CNTNAP3: variants seen among roughly 807,000 people sequenced by gnomAD.
The protein encoded by CNTNAP3 is contactin-associated protein-like 3.
Under a neutral mutation model 92.1 loss-of-function variants are expected in CNTNAP3, and 36 were observed. The observed-to-expected ratio is 0.39, with a 90% CI of 0.30 to 0.52. The LOEUF is 0.52. Among genes scored for constraint, CNTNAP3 ranks in the 20% least tolerant of loss-of-function variants. The pLI is 0.76. For synonymous variants in CNTNAP3, 232 were observed against 422.3 expected (o/e 0.55, Z 5.53); for missense variants, 534 against 1,069.6 (o/e 0.50, Z 6.98).
intron 14 of CNTNAP3, 106 bp downstream of exon 14, chr9:39,117,997 A>G: frequency 6.3e-7 from 1 of 1,588,272 alleles, no homozygotes; most frequent in South Asian, 1.2e-5. Flanking sequence ...TTGCTTGAAC[A>G]TACTTTAGTT....
intron 13 of CNTNAP3, among the ~76,000 whole-genome samples, chr9:39,130,758 C>T (rs2118036266): frequency 6.6e-6 from 1 of 151,924 alleles, no homozygotes; most frequent in Non-Finnish European, 1.5e-5. Flanking sequence ...CCGCCTCGGC[C>T]TCCCGAAGTG....
At chr9:39,092,872 T>C (rs1309726011) in intron 18 of CNTNAP3, among the ~76,000 whole-genome samples, 2 of 142,770 alleles carry the variant, frequency 1.4e-5, no homozygotes, top group Non-Finnish European at 3.1e-5. Context: ...CAGGTATTCT[T>C]TATGTAATTT....
intron 13 of CNTNAP3, among the ~76,000 whole-genome samples, chr9:39,132,111 C>A (rs1466967774): frequency 2.6e-5 from 4 of 152,016 alleles, no homozygotes; most frequent in Non-Finnish European, 2.9e-5. Flanking sequence ...GCCTGGACTT[C>A]CTGGGCTCCA....
intron 18 of CNTNAP3, among the ~76,000 whole-genome samples, chr9:39,097,555 A>T (rs1826355592): frequency 6.6e-6 from 1 of 152,010 alleles, no homozygotes; most frequent in Non-Finnish European, 1.5e-5. Flanking sequence ...TGGTGTAGGA[A>T]GGAAACCCCA....
At chr9:39,087,457 A>T (rs983310476) in intron 19 of CNTNAP3, among the ~76,000 whole-genome samples, 15 of 151,826 alleles carry the variant, frequency 9.9e-5, no homozygotes, top group Non-Finnish European at 1.9e-4. Context: ...CTTTTAGTTT[A>T]TACTAAGATC....
chr9:39,077,487 G>A (rs1825809754), intron 23 of CNTNAP3, among the ~76,000 whole-genome samples: 1 of 152,222 alleles, frequency 6.6e-6, no homozygotes, highest in Admixed American at 6.5e-5. Context: ...AACCCGGGAG[G>A]CGGAGCTTGC....
chr9:39,116,406 G>A (rs1409484917), intron 14 of CNTNAP3, among the ~76,000 whole-genome samples: 3 of 151,724 alleles, frequency 2.0e-5, no homozygotes, highest in African/African-American at 7.3e-5. Context: ...AAAGATGTCC[G>A]TCAAAAGATT....
intron 13 of CNTNAP3, among the ~76,000 whole-genome samples, chr9:39,120,538 C>T (rs1354252772): frequency 2.6e-5 from 4 of 151,916 alleles, no homozygotes; most frequent in Non-Finnish European, 5.9e-5. Flanking sequence ...AGCGTAGTGG[C>T]GGGAGCCTGT....
At chr9:39,133,363 C>T (rs1324111702) in intron 12 of CNTNAP3, among the ~76,000 whole-genome samples, 7 of 152,144 alleles carry the variant, frequency 4.6e-5, no homozygotes, top group African/African-American at 9.7e-5. Context: ...TGTGACGTCA[C>T]GCCTAAAAGT....
chr9:39,088,275 T>C, intron 19 of CNTNAP3, 148 bp downstream of exon 19: 1 of 760,646 alleles, frequency 1.3e-6, no homozygotes, highest in East Asian at 2.8e-5. Context: ...TACATAACCA[T>C]TAAGGCAGGC....
intron 18 of CNTNAP3, among the ~76,000 whole-genome samples, chr9:39,095,876 C>T (rs919443797): frequency 2.0e-5 from 3 of 150,894 alleles, no homozygotes; most frequent in East Asian, 1.9e-4. Flanking sequence ...TTTATGCATA[C>T]CAAACCCATT....
chr9:39,147,900 GATC>G (rs1208356312), intron 10 of CNTNAP3, among the ~76,000 whole-genome samples: 1 of 152,136 alleles, frequency 6.6e-6, no homozygotes, highest in African/African-American at 2.4e-5. Context: ...ACTGCAAATG[GATC>G]ATATTTTGTG....
intron 13 of CNTNAP3, 99 bp downstream of exon 13, chr9:39,132,833 G>A (rs554122098): frequency 7.9e-5 from 106 of 1,350,122 alleles, no homozygotes; most frequent in African/African-American, 4.5e-4. Flanking sequence ...TAAGAGCCAC[G>A]GGAGGGACCC....
chr9:39,139,190 G>A (rs1821511947), intron 12 of CNTNAP3, among the ~76,000 whole-genome samples: 1 of 152,086 alleles, frequency 6.6e-6, no homozygotes, highest in South Asian at 2.1e-4. Flanking sequence ...GCTAGATTTT[G>A]TCAGTAGATA....
chr9:39,108,698 C>G (rs1826667074), intron 15 of CNTNAP3, among the ~76,000 whole-genome samples: 1 of 152,010 alleles, frequency 6.6e-6, no homozygotes, highest in African/African-American at 2.4e-5. Context: ...TGAAAGCCAC[C>G]CATGAACGAA....
rs1359267017 is a variant in CNTNAP3 at position 39,066,659 on chromosome 9, G to T, written c.*7231C>A. On this transcript the variant is annotated 3_prime_UTR_variant, in exon 24 of 24. Transcript: ENST00000297668. ...TAGGAGAGAGAGTTTTCTGCTTTTGGTTGGAAGATGTTTCACTGGAAGCAT... is the reference window on the plus strand; with the variant it reads ...TAGGAGAGAGAGTTTTCTGCTTTTGTTTGGAAGATGTTTCACTGGAAGCAT... Among the ~76,000 whole-genome samples the T allele has an allele frequency of 6.6e-6, 1 of 152,308 alleles. No homozygotes were observed. The highest frequency in any genetic ancestry group is 1.9e-4 in the East Asian group (1 of 5,208).
intron 21 of CNTNAP3, among the ~76,000 whole-genome samples, chr9:39,082,388 TTGA>T (rs1358902154): frequency 6.6e-6 from 1 of 152,010 alleles, no homozygotes; most frequent in African/African-American, 2.4e-5. Flanking sequence ...GAAGAGAATC[TTGA>T]TGATAACTTA....
At chr9:39,091,941 T>A (rs1288048958) in intron 18 of CNTNAP3, among the ~76,000 whole-genome samples, 2 of 147,644 alleles carry the variant, frequency 1.4e-5, no homozygotes, top group East Asian at 1.9e-4. Context: ...TTTCTCCTCC[T>A]TCTTGAAACA....
intron 18 of CNTNAP3, among the ~76,000 whole-genome samples, chr9:39,098,431 T>C (rs1343920023): frequency 6.6e-6 from 1 of 152,074 alleles, no homozygotes; most frequent in Non-Finnish European, 1.5e-5. Flanking sequence ...ATCATTCTTA[T>C]TAGATTAGGT....
Sources: gnomAD v4.1 joint callset for allele counts (sites outside exome capture counted in the v4.1 genomes callset) on GRCh38, gnomAD v4.1.1 for gene constraint, MANE v1.5 for transcripts, NCBI Gene and HGNC (gene_info 2026-07-23, HGNC 2026-07-21) for gene names.